TCF3: variants seen among roughly 807,000 people sequenced by gnomAD.
TCF3 encodes the protein transcription factor E2-alpha.
A neutral mutation model predicts 72.3 loss-of-function variants in TCF3; 54 were observed. That is an observed-to-expected ratio of 0.75 (90% confidence interval 0.60 to 0.94). The LOEUF (loss-of-function observed/expected upper bound fraction) is 0.94. TCF3 is among the 40% of genes least tolerant of loss of function. The probability of loss-of-function intolerance (pLI) is 0.00; values close to 1 mark genes in which losing one functional copy is unlikely to be tolerated. For missense variants in TCF3, 1,078 were observed against 934.4 expected (o/e 1.15, Z -2.00); for synonymous variants, 525 against 412.6 (o/e 1.27, Z -3.30).
At chr19:1,631,031 G>C (rs2063653608) in intron 5 of TCF3, among the ~76,000 whole-genome samples, 1 of 152,226 alleles carries the variant, frequency 6.6e-6, no homozygotes, top group Admixed American at 6.5e-5. Flanking sequence ...CCAAGCGTCG[G>C]TTCGTTCCCC....
chr19:1,651,151 G>T (rs2066975244), intron 1 of TCF3: 1 of 231,878 alleles, frequency 4.3e-6, no homozygotes, highest in Non-Finnish European at 8.5e-6. Context: ...CACCTGCCAA[G>T]ACCCATTCCA....
rs2060989562 is a variant in TCF3 at position 1,611,607 on chromosome 19, T to C, written c.*100A>G. 9 of 1,462,250 alleles carry C rather than the reference T, an allele frequency of 6.2e-6. No homozygotes were observed. The highest frequency in any genetic ancestry group is 8.3e-6 in the Non-Finnish European group (9 of 1,085,970). 90.6% of individuals were successfully genotyped at this position (1,462,250 alleles called of 1,614,324 possible). On this transcript the variant is annotated 3_prime_UTR_variant, in exon 19 of 19. Transcript: ENST00000262965. The stretch of plus-strand genomic sequence containing the variant: ...TGGCTCGATGCTGACAACAGGTGTG[T>C]GAGGTGTGGATGTGGATGAAGCCCG...
Position 1,620,878 on chromosome 19 carries a change from T to G in TCF3, c.1093+90A>C. 3.3e-6 allele frequency: 4 copies of G among 1,223,530 alleles called. No individual in the cohort carries two copies. In the African/African-American group the frequency reaches 6.7e-5, roughly 20 times the overall value. The allele number at this position is 1,223,530 out of a possible 1,614,324, so 75.8% of individuals were successfully genotyped here. Reference sequence around the variant, plus strand: ...TGCAGACACCAGAACCAGCCTCCCCTCCCCCGCAAAGCCTTCACAGACCTC... The same window carrying G: ...TGCAGACACCAGAACCAGCCTCCCCGCCCCCGCAAAGCCTTCACAGACCTC... On this transcript the variant is annotated intron_variant, in intron 13 of 18. Coordinates refer to ENST00000262965, the MANE Select transcript of TCF3 (RefSeq NM_003200.5).
intron 18 of TCF3, chr19:1,612,514 C>T (rs1365322972): frequency 2.2e-6 from 3 of 1,372,480 alleles, no homozygotes; most frequent in East Asian, 2.3e-5. Flanking sequence ...GAGAGGGTAT[C>T]CAGCTACTTG....
chr19:1,633,268 G>T (rs999881741), intron 3 of TCF3, among the ~76,000 whole-genome samples: 1 of 152,190 alleles, frequency 6.6e-6, no homozygotes, highest in Admixed American at 6.5e-5. Flanking sequence ...GCTTGGCCAC[G>T]GAGTTGCTGC....
chr19:1,615,557 C>CA lies in TCF3; in HGVS notation c.1587-38dup. 1 of 1,604,916 alleles carries CA rather than the reference C, an allele frequency of 6.2e-7. No individual in the cohort carries two copies. Among genetic ancestry groups the CA allele is most frequent in the African/African-American group, 1.3e-5 (1 of 75,020 alleles). On this transcript the variant is annotated intron_variant, in intron 17 of 18. Coordinates refer to ENST00000262965, the MANE Select transcript of TCF3 (RefSeq NM_003200.5). The surrounding 1 kb of genome is among the most constrained non-coding windows in gnomAD (Gnocchi z 7.3). ...GCGCCGGGAGGGGGCCAGAGGGAGA[C>CA]AGTGAGGTTGGGGGAAGAGCGTGGG...
Position 1,610,820 on chromosome 19 carries a change from C to T in TCF3, c.*887G>A, listed in dbSNP as rs371338820. On this transcript the variant is annotated 3_prime_UTR_variant, in exon 19 of 19. Coordinates refer to ENST00000262965, the MANE Select transcript of TCF3 (RefSeq NM_003200.5). ...GCCCCAAGGTGCCTTCATCAGGGAA[C>T]GCCCACGCATCACTTTCCACATGAC... 7.9e-5 allele frequency: 18 copies of T among 229,238 alleles called. No individual in the cohort carries two copies. The highest frequency in any genetic ancestry group is 5.5e-4 in the South Asian group (3 of 5,484). The allele number at this position is 229,238 out of a possible 1,614,324, so 14.2% of individuals were successfully genotyped here.
At position 1,632,135 on chromosome 19, in the gene TCF3, G is replaced by C. The variant is rs1196988471; in HGVS notation, c.220-19C>G. 1.2e-6 allele frequency: 2 copies of C among 1,610,548 alleles called. No individual in the cohort carries two copies. Among genetic ancestry groups the C allele is most frequent in the African/African-American group, 2.7e-5 (2 of 74,818 alleles). On this transcript the variant is annotated intron_variant, in intron 4 of 18. Transcript: ENST00000262965. ...TGAAGGTCTAGGGGAGATGGGGTGGGGATGAGAGGTGCTGGGGCTTCACAG... is the reference window on the plus strand; with the variant it reads ...TGAAGGTCTAGGGGAGATGGGGTGGCGATGAGAGGTGCTGGGGCTTCACAG...
intron 1 of TCF3, 112 bp downstream of exon 1, chr19:1,652,188 C>G (rs1388473928): frequency 2.3e-5 from 3 of 132,292 alleles, no homozygotes; most frequent in African/African-American, 8.2e-5. Flanking sequence ...ACCGCCCCCG[C>G]CCCAACTTCC....
intron 14 of TCF3, 26 bp downstream of exon 14, chr19:1,619,754 T>TGGGGGGGGGGGG: frequency 3.9e-6 from 2 of 518,712 alleles, no homozygotes; most frequent in East Asian, 7.5e-5. Flanking sequence ...CGGGGAAGGG[T>TGGGGGGGGGGGG]GGGGTGGGGC....
rs780083365 is a variant in TCF3 at position 1,615,528 on chromosome 19, G to A, written c.1587-8C>T. ...TCCTCGTCCTCGTCTGGGCTATGGG[G>A]AGGGCGCCGGGAGGGGGCCAGAGGG... On this transcript the variant is annotated splice_region_variant and splice_polypyrimidine_tract_variant and intron_variant, in intron 17 of 18. Coordinates refer to ENST00000262965, the MANE Select transcript of TCF3 (RefSeq NM_003200.5). This position sits in a 1 kb window ranked among gnomAD's most constrained non-coding sequence, Gnocchi z 7.3. 2 of 1,606,334 alleles carry A rather than the reference G, an allele frequency of 1.2e-6. No individual in the cohort carries two copies. Among genetic ancestry groups the A allele is most frequent in the African/African-American group, 1.3e-5 (1 of 74,902 alleles).
rs2060984407 is a variant in TCF3 at position 1,611,538 on chromosome 19, CACCTTGGCCGCCCCCATCACTCCGA to C, written c.*144_*168del. On this transcript the variant is annotated 3_prime_UTR_variant, in exon 19 of 19. Transcript: ENST00000262965. ...CCCAGGGAGCTCCTGGACCCAGTGT[CACCTTGGCCGCCCCCATCACTCCGA>C]ACCTTGTCAGGTTGGTGTTGGCTCG... 3 of 933,390 alleles carry C rather than the reference CACCTTGGCCGCCCCCATCACTCCGA, an allele frequency of 3.2e-6. No individual in the cohort carries two copies. The South Asian group carries it at 5.6e-5, about 17-fold the overall frequency. 57.8% of individuals were successfully genotyped at this position (933,390 alleles called of 1,614,324 possible).
intron 16 of TCF3, among the ~76,000 whole-genome samples, chr19:1,618,855 C>T (rs991147017): frequency 6.6e-6 from 1 of 152,210 alleles, no homozygotes; most frequent in South Asian, 2.1e-4. Context: ...CAGTGCTGAG[C>T]GCTGCCAGGC....
At chr19:1,648,825 G>GC (rs2066541820) in intron 2 of TCF3, among the ~76,000 whole-genome samples, 1 of 151,888 alleles carries the variant, frequency 6.6e-6, no homozygotes, top group African/African-American at 2.4e-5. Flanking sequence ...CATGGGGGGG[G>GC]GGGGGGAGCA....
intron 3 of TCF3, among the ~76,000 whole-genome samples, chr19:1,634,912 G>A (rs1458468571): frequency 6.6e-6 from 1 of 152,198 alleles, no homozygotes; most frequent in Non-Finnish European, 1.5e-5. Flanking sequence ...GAGACCATCT[G>A]TCCTGCACAG....
intron 1 of TCF3, chr19:1,651,026 C>T: frequency 4.3e-6 from 1 of 231,654 alleles, no homozygotes; most frequent in Non-Finnish European, 8.5e-6. Flanking sequence ...TATTTTTAAG[C>T]AAAACTTTGA....
intron 1 of TCF3, chr19:1,650,782 G>C (rs1162997660): frequency 8.7e-6 from 2 of 231,122 alleles, no homozygotes. Flanking sequence ...TTGAAGACCA[G>C]GTCGCCCCCA....
Position 1,611,714 on chromosome 19 carries a change from T to G in TCF3, c.1958A>C (p.His653Pro), listed in dbSNP as rs368510078. The G allele has an allele frequency of 5.0e-6, 8 of 1,612,808 alleles. No individual in the cohort carries two copies. The African/African-American group carries it at 9.4e-5, about 19-fold the overall frequency. The change falls in exon 19 of 19, where the codon CAC becomes CCC. Residue 653 changes from histidine to proline, a missense_variant. Physicochemically the swap from His to Pro is moderately conservative, Grantham distance 77. Transcript: ENST00000262965. ...GLSEAHNPAG[H>P]M ...CCCACGGAGGCATACCTTTCACATG[T>G]GCCCGGCGGGGTTGTGGGCTTCGCT...
chr19:1,647,301 G>A (rs2145665501), intron 2 of TCF3, among the ~76,000 whole-genome samples: 1 of 152,356 alleles, frequency 6.6e-6, no homozygotes, highest in East Asian at 1.9e-4. Flanking sequence ...GCCCCAAGGG[G>A]CTGCGTTTTA....
Sources: allele counts gnomAD v4.1 joint callset (sites outside exome capture counted in the v4.1 genomes callset), GRCh38; gene constraint gnomAD v4.1.1; non-coding constraint Gnocchi (gnomAD v3.1); transcripts MANE v1.5; gene names NCBI Gene and HGNC (gene_info 2026-07-23, HGNC 2026-07-21).